Variants in DNAH3 observed in about 807,000 individuals in gnomAD.
DNAH3 encodes the protein axonemal beta dynein heavy chain 3.
In DNAH3, 332 loss-of-function variants were observed where a neutral mutation model predicts 432.5. That is an observed-to-expected ratio of 0.77 (90% CI 0.70 to 0.84). DNAH3 has a LOEUF of 0.84. Among genes scored for constraint, DNAH3 ranks in the 40% least tolerant of loss-of-function variants. DNAH3 has a pLI of 0.00. For synonymous variants in DNAH3, 1,956 were observed against 1,900.2 expected, an observed-to-expected ratio of 1.03 and a Z score of -0.76; for missense variants, 4,861 against 5,114.0, an observed-to-expected ratio of 0.95 and a Z score of 1.51.
exon 47 of DNAH3, chr16:20,987,420 A>T (rs1349662117): frequency 6.2e-7 from 1 of 1,614,020 alleles, no homozygotes; most frequent in African/African-American, 1.3e-5. Context: ...AACCTCATGG[A>T]TCCAAAGCCG....
chr16:21,131,109 G>A (rs543929180), intron 7 of DNAH3, among the ~76,000 whole-genome samples: 9 of 152,230 alleles, frequency 5.9e-5, no homozygotes, highest in African/African-American at 1.7e-4. Flanking sequence ...GGCTGAGGAA[G>A]GAGGAATTCT....
chr16:21,020,348 G>GTGTGTATATA lies in DNAH3; in HGVS notation c.5777-480_5777-479insTATATACACA. Among the ~76,000 whole-genome samples, 58 of 69,154 alleles carry GTGTGTATATA rather than the reference G, an allele frequency of 8.4e-4. 4 individuals carry two copies. The highest frequency in any genetic ancestry group is 4.5e-3 in the South Asian group (7 of 1,570). 45.4% of individuals were successfully genotyped at this position (69,154 alleles called of 152,430 possible). A position where few individuals can be genotyped will look rare whatever the true frequency, so the allele number is the denominator to read the frequency against. On this transcript the variant is annotated intron_variant, in intron 40 of 61. Coordinates refer to ENST00000261383, the Ensembl canonical transcript of DNAH3. ...ACTGCTGTATAATAATATAGTGTGTGTATATATATATATATATATAAAATC... is the reference window on the plus strand; with the variant it reads ...ACTGCTGTATAATAATATAGTGTGTGTGTGTATATATATATATATATATATATATAAAATC...
intron 21 of DNAH3, among the ~76,000 whole-genome samples, chr16:21,072,828 T>C (rs571229891): frequency 6.8e-6 from 1 of 147,472 alleles, no homozygotes; most frequent in African/African-American, 2.5e-5. Context: ...ATTATTATTA[T>C]TATTATTATT....
At position 20,935,519 on chromosome 16, in the gene DNAH3, A is replaced by G. The variant is rs200247471; in HGVS notation, c.11860-34T>C. The G allele has an allele frequency of 3.7e-6, 6 of 1,604,134 alleles. No individual in the cohort carries two copies. The East Asian group carries it at 8.9e-5, about 24-fold the overall frequency. ...CCACAGAAATCAAGATTCAAAATCA[A>G]CAACACATCAAAGATAGTTCAAATG... On this transcript the variant is annotated intron_variant, in intron 60 of 61. Coordinates refer to ENST00000261383, the Ensembl canonical transcript of DNAH3.
chr16:21,089,906 T>TA (rs566266762), intron 18 of DNAH3, among the ~76,000 whole-genome samples: 4 of 150,922 alleles, frequency 2.7e-5, no homozygotes, highest in Admixed American at 6.6e-5. Context: ...TTGATAGGCC[T>TA]AAAAAAAAGA....
intron 1 of DNAH3, among the ~76,000 whole-genome samples, chr16:21,149,234 A>AAAAAAGAAAGAAAG (rs960204476): frequency 6.6e-6 from 1 of 151,778 alleles, no homozygotes; most frequent in Non-Finnish European, 1.5e-5. Flanking sequence ...CTCAAAAAAA[A>AAAAAAGAAAGAAAG]AAAAAGAAAG....
At chr16:20,961,757 G>GTTTTTGTT (rs1567533053) in intron 53 of DNAH3, among the ~76,000 whole-genome samples, 2 of 123,402 alleles carry the variant, frequency 1.6e-5, no homozygotes, top group African/African-American at 3.2e-5. Context: ...TAAATTTCTG[G>GTTTTTGTT]TTTTTTTTTT....
rs1161422716 is a variant in DNAH3, at chr16:21,063,937, T to G, written c.3519-1254A>C. The stretch of plus-strand genomic sequence containing the variant: ...CAAACCTTCAGAAAATGTCCAATAT[T>G]CAAACCTGTACTGTGACCATCAGGC... On this transcript the variant is annotated intron_variant, in intron 24 of 61. Transcript: ENST00000261383. 3.9e-5 allele frequency among the ~76,000 whole-genome samples: 6 copies of G among 152,322 alleles called. No individual in the cohort carries two copies. In the East Asian group the frequency reaches 5.8e-4, roughly 15 times the overall value.
chr16:20,956,408 T>C (rs2084567776), intron 54 of DNAH3, among the ~76,000 whole-genome samples: 1 of 152,192 alleles, frequency 6.6e-6, no homozygotes, highest in African/African-American at 2.4e-5. Context: ...TTCCCTATTG[T>C]GTCTGACACT....
chr16:20,963,967 A>G lies in DNAH3; in HGVS notation c.9917T>C (p.Phe3306Ser), dbSNP rs761019478. Residue 3306 changes from phenylalanine (F) to serine (S), a missense_variant, in exon 53 of 62, where the codon TTT (phenylalanine) becomes TCT (serine). Physicochemically the swap from Phe to Ser is radical, Grantham distance 155 (BLOSUM62 -2). Transcript: ENST00000261383. ...GATGTTGGCCAGGTCCGAGATACAAAAGAAGATGGTGGCAGAATGCACAGC... is the reference window on the plus strand; with the variant it reads ...GATGTTGGCCAGGTCCGAGATACAAGAGAAGATGGTGGCAGAATGCACAGC... 2 of 1,614,150 alleles carry G rather than the reference A, an allele frequency of 1.2e-6. No homozygotes were observed. The highest frequency in any genetic ancestry group is 1.7e-6 in the Non-Finnish European group (2 of 1,180,016).
rs963479821 is a variant in DNAH3, at chr16:21,019,491, C to T, written c.6022+133G>A. The T allele has an allele frequency of 3.9e-4, 376 of 974,100 alleles. 1 individual carries two copies. The highest frequency in any genetic ancestry group is 5.4e-4 in the Non-Finnish European group (351 of 650,962). 60.3% of individuals were successfully genotyped at this position (974,100 alleles called of 1,614,324 possible). ...GATATTTTAATTCTGTAATTCCTTA[C>T]ATATTTATTAGCCACCGTGCCTGGC... On this transcript the variant is annotated intron_variant, in intron 41 of 61. Transcript: ENST00000261383.
At chr16:21,032,241 G>A (rs1317516394) in intron 36 of DNAH3, among the ~76,000 whole-genome samples, 1 of 152,092 alleles carries the variant, frequency 6.6e-6, no homozygotes, top group Admixed American at 6.6e-5. Flanking sequence ...TTTGAAATGA[G>A]GAAACGGGAA....
intron 33 of DNAH3, among the ~76,000 whole-genome samples, chr16:21,039,513 C>T (rs987548572): frequency 1.5e-4 from 23 of 152,022 alleles, no homozygotes; most frequent in African/African-American, 4.4e-4. Context: ...CCACCACACC[C>T]GGCCTTATAC....
rs555081698 is a variant in DNAH3 at position 21,010,096 on chromosome 16, C to T, written c.6023-6889G>A. Among the ~76,000 whole-genome samples the T allele has an allele frequency of 6.6e-5, 10 of 152,226 alleles. No individual in the cohort carries two copies. The South Asian group carries it at 1.5e-3, about 22-fold the overall frequency. On this transcript the variant is annotated intron_variant, in intron 41 of 61. Coordinates refer to ENST00000261383, the Ensembl canonical transcript of DNAH3. ...TTATGTCAAACTCGGAAAATCACTA[C>T]GGAGAGTGAGTGAGATATATGTATC...
At chr16:21,092,030 C>T (rs549366891) in intron 18 of DNAH3, among the ~76,000 whole-genome samples, 2 of 152,126 alleles carry the variant, frequency 1.3e-5, no homozygotes, top group African/African-American at 4.8e-5. Context: ...GTTAAGATGC[C>T]AGTTCTTCCC....
intron 49 of DNAH3, among the ~76,000 whole-genome samples, chr16:20,980,229 T>TATTATATATATAATATACATAATATA (rs1567571725): frequency 9.6e-6 from 1 of 103,868 alleles, no homozygotes; most frequent in South Asian, 3.5e-4. Flanking sequence ...ATATTATTTA[T>TATTATATATATAATATACATAATATA]TTATATTATA....
intron 42 of DNAH3, 94 bp from the exon 43 acceptor site, chr16:21,000,612 T>C: frequency 8.9e-7 from 1 of 1,127,646 alleles, no homozygotes; most frequent in Non-Finnish European, 1.3e-6. Context: ...TCTAGCTCCA[T>C]CCCTTACTAT....
intron 7 of DNAH3, among the ~76,000 whole-genome samples, chr16:21,133,221 G>A (rs565781773): frequency 6.6e-6 from 1 of 151,970 alleles, no homozygotes; most frequent in South Asian, 2.1e-4. Flanking sequence ...GGGTGTGGTG[G>A]TGTGGGTCTG....
intron 15 of DNAH3, among the ~76,000 whole-genome samples, chr16:21,106,079 C>T (rs1381294366): frequency 1.3e-5 from 2 of 150,922 alleles, no homozygotes; most frequent in South Asian, 4.2e-4. Flanking sequence ...ACTTGGGAGG[C>T]TGAGGCAGGA....
Sources: gnomAD v4.1 joint callset for allele counts (sites outside exome capture counted in the v4.1 genomes callset) on GRCh38, gnomAD v4.1.1 for gene constraint, MANE v1.5 for transcripts, NCBI Gene and HGNC (gene_info 2026-07-23, HGNC 2026-07-21) for gene names.